The following KCNN1 variants were observed in gnomAD, a reference collection of about 807,000 sequenced individuals.
KCNN1 encodes the protein small conductance calcium-activated potassium channel protein 1.
In KCNN1, 20 loss-of-function variants were observed where a neutral mutation model predicts 44.7. The ratio of observed to expected loss-of-function variants is 0.45; its 90% CI spans 0.32 to 0.65. The LOEUF (loss-of-function observed/expected upper bound fraction) is 0.65. Ranked by LOEUF, KCNN1 falls within the 30% of genes least tolerant of loss-of-function variation. KCNN1 has a pLI of 0.05. For missense variants in KCNN1, 632 were observed against 785.3 expected (o/e 0.80, Z 2.33); for synonymous variants, 324 against 341.7 (o/e 0.95, Z 0.57).
At chr19:17,978,964 G>C (rs2145937998) in intron 3 of KCNN1, among the ~76,000 whole-genome samples, 1 of 151,726 alleles carries the variant, frequency 6.6e-6, no homozygotes, top group Non-Finnish European at 1.5e-5. Context: ...GGAGGTTGAG[G>C]TGGGAGGATC....
At chr19:17,984,162 C>CA (rs527690149) in intron 4 of KCNN1, among the ~76,000 whole-genome samples, 19,733 of 139,102 alleles carry the variant, frequency 0.14, 1,403 homozygotes, top group East Asian at 0.2. Flanking sequence ...GATATTGTCT[C>CA]AAAAAAAAAA....
In KCNN1 at chr19:17,998,331, C is replaced by A; in HGVS notation, c.1557C>A (p.Gly519=). The part of the protein sequence containing the change: ...PPPPPLPPRP[G]PGPQDQAARS... ...CGCCTCCCCTGCCTCCCAGGCCCGGCCCCGGCCCCCAAGACCAGGCAGCCC... is the reference window on the plus strand; with the variant it reads ...CGCCTCCCCTGCCTCCCAGGCCCGGACCCGGCCCCCAAGACCAGGCAGCCC... Residue 519 remains glycine (G), a synonymous_variant, in exon 10 of 10, where the codon GGC becomes GGA. Coordinates refer to ENST00000684775, the MANE Select transcript of KCNN1 (RefSeq NM_001386974.1). The surrounding 1 kb of genome is among the most constrained non-coding windows in gnomAD (Gnocchi z 5.4). 1 of 1,531,860 alleles carries A rather than the reference C, an allele frequency of 6.5e-7. No homozygotes were observed. The allele number at this position is 1,531,860 out of a possible 1,614,324, so 94.9% of individuals were successfully genotyped here. A position where few individuals can be genotyped will look rare whatever the true frequency, so the allele number is the denominator to read the frequency against.
chr19:17,975,185 C>G lies in KCNN1; in HGVS notation c.496C>G (p.Gln166Glu). 1 of 1,612,448 alleles carries G rather than the reference C, an allele frequency of 6.2e-7. No individual in the cohort carries two copies. The highest frequency in any genetic ancestry group is 8.5e-7 in the Non-Finnish European group (1 of 1,178,546). ...TGTCCTCTACCATGCCCGGGAGATC[C>G]AGGTCAGTGCTGAATACTGCAGGAA... is the stretch of plus-strand genomic sequence containing the variant. ...LVVLYHAREI[Q>E]LFMVDNGADD... The change falls in exon 3 of 10, where the codon CAG becomes GAG. Residue 166 changes from glutamine to glutamate, a missense_variant and splice_region_variant. Physicochemically the swap from Gln to Glu is conservative, Grantham distance 29 (BLOSUM62 2). Coordinates refer to ENST00000684775, the MANE Select transcript of KCNN1 (RefSeq NM_001386974.1).
At chr19:17,987,987 C>A (rs996799216) in intron 5 of KCNN1, among the ~76,000 whole-genome samples, 3 of 150,332 alleles carry the variant, frequency 2.0e-5, no homozygotes, top group East Asian at 3.9e-4. Flanking sequence ...TAAACAAACA[C>A]ACACACACAC....
chr19:17,974,556 C>G lies in KCNN1; in HGVS notation c.402+266C>G, dbSNP rs1372170196. ...CTTAAGGCGGAGGGGGGCTTCCCCC[C>G]AGGACAGGGGTTCCCCAGAGTGGGC... On this transcript the variant is annotated intron_variant, in intron 2 of 9. Coordinates refer to ENST00000684775, the MANE Select transcript of KCNN1 (RefSeq NM_001386974.1). This position sits in a 1 kb window ranked among gnomAD's most constrained non-coding sequence, Gnocchi z 7.3. Among the ~76,000 whole-genome samples the G allele has an allele frequency of 1.3e-5, 2 of 152,168 alleles. No individual in the cohort carries two copies. The highest frequency in any genetic ancestry group is 2.9e-5 in the Non-Finnish European group (2 of 68,002).
intron 1 of KCNN1, among the ~76,000 whole-genome samples, chr19:17,968,001 G>A (rs1008587034): frequency 4.7e-5 from 7 of 149,948 alleles, no homozygotes; most frequent in Non-Finnish European, 8.9e-5. Context: ...GCTCCTGGGC[G>A]GCCCATGGGA....
At chr19:17,972,590 A>T (rs752499577) in intron 1 of KCNN1, among the ~76,000 whole-genome samples, 80 of 152,110 alleles carry the variant, frequency 5.3e-4, no homozygotes, top group Non-Finnish European at 9.0e-4. Flanking sequence ...TCTGTTTGGA[A>T]TCTGTTTGGA....
intron 1 of KCNN1, among the ~76,000 whole-genome samples, chr19:17,972,389 G>T (rs2032053499): frequency 6.6e-6 from 1 of 152,204 alleles, no homozygotes; most frequent in African/African-American, 2.4e-5. Flanking sequence ...ACAGGACATT[G>T]CTCTGTAATC....
At chr19:17,982,675 GGGGA>G in intron 4 of KCNN1, 1 of 867,208 alleles carries the variant, frequency 1.2e-6, no homozygotes, top group Non-Finnish European at 1.4e-6. Flanking sequence ...GCTGCCGCAA[GGGGA>G]GGGAGGCAGG....
At chr19:17,966,501 G>A (rs1461076079), upstream of KCNN1, among the ~76,000 whole-genome samples, 1 of 152,206 alleles carries the variant, frequency 6.6e-6, no homozygotes, top group Non-Finnish European at 1.5e-5. Flanking sequence ...CTGGGGCTCT[G>A]GCTTCCTGTC....
At chr19:17,963,725 C>CTTTT (rs147435448), upstream of KCNN1, among the ~76,000 whole-genome samples, 7 of 139,754 alleles carry the variant, frequency 5.0e-5, no homozygotes, top group African/African-American at 1.3e-4. Context: ...ACTTCTGATA[C>CTTTT]TTTTTTTTTT....
At chr19:17,955,562 C>CAA (rs58125650) in intron 2 of KCNN1, among the ~76,000 whole-genome samples, 5 of 54,216 alleles carry the variant, frequency 9.2e-5, no homozygotes, top group Non-Finnish European at 1.5e-4. Flanking sequence ...ACTCCATCTC[C>CAA]AAAAAAAAAA....
Position 17,956,111 on chromosome 19 carries a change from T to C in KCNN1, c.-82+1430T>C, listed in dbSNP as rs146349068. ...CGTCACCACGCACAGCTAATTTTTG[T>C]GTTTTCAGTAGAGATGGGGTTTCCC... On this transcript the variant is annotated intron_variant, in intron 2 of 10. Transcript: ENST00000222249. Among the ~76,000 whole-genome samples the C allele has an allele frequency of 5.8e-3, 889 of 152,192 alleles. 4 individuals are homozygous for C. The highest frequency in any genetic ancestry group is 6.8e-3 in the Middle Eastern group (2 of 294).
rs1054464629 is a variant in KCNN1, at chr19:17,958,128, G to A, written c.-82+3447G>A. On this transcript the variant is annotated intron_variant, in intron 2 of 10. Coordinates refer to the KCNN1 transcript ENST00000222249. ...GAAGCTTGCCAGCAGATAAGGCTGGGGTCATGTGGGATCTAACTGCTCAAA... is the reference window on the plus strand; with the variant it reads ...GAAGCTTGCCAGCAGATAAGGCTGGAGTCATGTGGGATCTAACTGCTCAAA... Among the ~76,000 whole-genome samples the A allele has an allele frequency of 3.9e-5, 6 of 152,060 alleles. No homozygotes were observed. The East Asian group carries it at 1.2e-3, about 29-fold the overall frequency.
chr19:17,995,693 C>G (rs2032963632), intron 9 of KCNN1, among the ~76,000 whole-genome samples: 1 of 152,092 alleles, frequency 6.6e-6, no homozygotes, highest in Non-Finnish European at 1.5e-5. Flanking sequence ...TTAAGGTATT[C>G]TCCTGCCTCA....
At chr19:17,979,765 A>G (rs2032335194) in intron 3 of KCNN1, among the ~76,000 whole-genome samples, 1 of 151,836 alleles carries the variant, frequency 6.6e-6, no homozygotes, top group Non-Finnish European at 1.5e-5. Context: ...GGCCCCTAGA[A>G]CGCGCGGCCG....
intron 3 of KCNN1, among the ~76,000 whole-genome samples, chr19:17,976,507 C>T (rs1194491924): frequency 1.3e-5 from 2 of 151,172 alleles, no homozygotes; most frequent in Admixed American, 6.6e-5. Context: ...CAACCTACGC[C>T]TCCTGGGTTC....
At chr19:17,990,738 C>T (rs1387141229) in intron 7 of KCNN1, among the ~76,000 whole-genome samples, 2 of 145,916 alleles carry the variant, frequency 1.4e-5, no homozygotes, top group African/African-American at 2.6e-5. Flanking sequence ...AGGCGGAGCT[C>T]GCAGTAAGCT....
At chr19:17,952,267 G>A in intron 1 of KCNN1, 1 of 152,094 alleles carries the variant, frequency 6.6e-6, no homozygotes, top group East Asian at 1.9e-4. Flanking sequence ...ACACGCCCTT[G>A]CCCGGCCGTG....
Sources: gnomAD v4.1 joint callset for allele counts (sites outside exome capture counted in the v4.1 genomes callset) on GRCh38, gnomAD v4.1.1 for gene constraint, Gnocchi (gnomAD v3.1) non-coding constraint, MANE v1.5 for transcripts, NCBI Gene and HGNC (gene_info 2026-07-23, HGNC 2026-07-21) for gene names.